OLFML3: variants seen among roughly 807,000 people sequenced by gnomAD.
The protein encoded by OLFML3 is olfactomedin-like protein 3.
In OLFML3, 26 loss-of-function variants were observed where a neutral mutation model predicts 36.0. The observed-to-expected ratio is 0.72, with a 90% CI of 0.53 to 1.00. OLFML3 has a LOEUF of 1.00. OLFML3 is among the 50% of genes least tolerant of loss of function. The pLI is 0.00. For missense variants in OLFML3, 503 were observed against 519.4 expected, an observed-to-expected ratio of 0.97 and a Z score of 0.31; for synonymous variants, 184 against 201.2, an observed-to-expected ratio of 0.91 and a Z score of 0.72.
chr1:113,981,692 C>T lies in OLFML3; in HGVS notation c.1144C>T (p.Arg382Cys), dbSNP rs372625011. Residue 382 changes from arginine (R) to cysteine (C), a missense_variant, in exon 3 of 3, where the codon CGC (arginine) becomes TGC (cysteine). Arg to Cys is a radical substitution (Grantham distance 180). Coordinates refer to ENST00000320334, the MANE Select transcript of OLFML3 (RefSeq NM_020190.5). ...HASLRYNPRE[R>C]QLYAWDDGYQ... ...CAGCCTCCGCTATAACCCCCGAGAA[C>T]GCCAGCTCTATGCCTGGGATGATGG... The T allele has an allele frequency of 2.9e-5, 47 of 1,613,924 alleles. No individual in the cohort carries two copies. The highest frequency in any genetic ancestry group is 1.1e-4 in the East Asian group (5 of 44,892).
Position 113,979,623 on chromosome 1 carries a change from C to G in OLFML3, c.107C>G (p.Ala36Gly). 6.2e-7 allele frequency: 1 copy of G among 1,609,942 alleles called. No individual in the cohort carries two copies. Among genetic ancestry groups the G allele is most frequent in the Non-Finnish European group, 8.5e-7 (1 of 1,176,176 alleles). Residue 36 changes from alanine to glycine, a missense_variant, in exon 1 of 3, where the codon GCT becomes GGT. Transcript: ENST00000320334. ...GAGTACATGGAACGCCGACTAGCTG[C>G]TTTAGAGGTGAGGGACCCCTTTCTC... The part of the protein sequence containing the change: ...LVEYMERRLA[A>G]LEERLAQCQD...
intron 2 of OLFML3, 107 bp downstream of exon 2, chr1:113,980,724 T>C: frequency 7.7e-7 from 1 of 1,294,506 alleles, no homozygotes; most frequent in African/African-American, 1.5e-5. Context: ...TGGCTCTGTC[T>C]TCTGGAATCT....
Position 113,981,327 on chromosome 1 carries a change from A to G in OLFML3, c.779A>G (p.Glu260Gly). The change falls in exon 3 of 3, where the codon GAG becomes GGG. Residue 260 changes from glutamate (E) to glycine (G), a missense_variant. Transcript: ENST00000320334. ...GTGGACAGCTCAGTATTCCCAGCAG[A>G]GGGGCTGATCCCCCCCTACGGCTTG... ...TVVDSSVFPA[E>G]GLIPPYGLTA... 2 of 1,598,890 alleles carry G rather than the reference A, an allele frequency of 1.3e-6. No individual in the cohort carries two copies. Among genetic ancestry groups the G allele is most frequent in the Non-Finnish European group, 1.7e-6 (2 of 1,171,934 alleles).
Position 113,982,077 on chromosome 1 carries a change from C to T in OLFML3, c.*308C>T. 2.5e-6 allele frequency: 1 copy of T among 394,748 alleles called. No individual in the cohort carries two copies. Among genetic ancestry groups the T allele is most frequent in the Non-Finnish European group, 4.7e-6 (1 of 212,786 alleles). 24.5% of individuals were successfully genotyped at this position (394,748 alleles called of 1,614,324 possible). ...GCTCTAACCTTGTATGCGGGCAGGCCCAGGGAGCAGGCAGCAGTGTTCTTC... is the reference window on the plus strand; with the variant it reads ...GCTCTAACCTTGTATGCGGGCAGGCTCAGGGAGCAGGCAGCAGTGTTCTTC... On this transcript the variant is annotated 3_prime_UTR_variant, in exon 3 of 3. Transcript: ENST00000320334.
At position 113,981,388 on chromosome 1, in the gene OLFML3, G is replaced by A. The variant is rs1209527708; in HGVS notation, c.840G>A (p.Glu280=). 1.9e-6 allele frequency: 3 copies of A among 1,611,048 alleles called. No individual in the cohort carries two copies. The highest frequency in any genetic ancestry group is 2.7e-5 in the African/African-American group (2 of 74,906). ...ADTYIDLAAD[E]EGLWAVYATR... ...CCTACATCGACCTGGCAGCTGATGA[G>A]GAAGGTCTTTGGGCTGTCTATGCCA... Residue 280 remains glutamate (E), a synonymous_variant, in exon 3 of 3, where the codon GAG becomes GAA. Transcript: ENST00000320334.
At position 113,979,559 on chromosome 1, in the gene OLFML3, T is replaced by C. The variant is rs1673324134; in HGVS notation, c.43T>C (p.Trp15Arg). Residue 15 changes from tryptophan to arginine, a missense_variant, in exon 1 of 3, where the codon TGG becomes CGG. By Grantham distance (101) the Trp-to-Arg change is moderately radical (BLOSUM62 -3). Transcript: ENST00000320334. ...TCTCCTCATCTTGTTCCTTTTGTCA[T>C]GGTCGGGACCCCTCCAAGGACAGCA... The part of the protein sequence containing the change: ...TPLLILFLLS[W>R]SGPLQGQQHH... 2.5e-6 allele frequency: 4 copies of C among 1,614,028 alleles called. No homozygotes were observed. Among genetic ancestry groups the C allele is most frequent in the Admixed American group, 1.7e-5 (1 of 60,010 alleles).
At position 113,980,635 on chromosome 1, in the gene OLFML3, A is replaced by G. The variant is rs1251776517; in HGVS notation, c.400+18A>G. On this transcript the variant is annotated intron_variant, in intron 2 of 2. Coordinates refer to ENST00000320334, the MANE Select transcript of OLFML3 (RefSeq NM_020190.5). The stretch of plus-strand genomic sequence containing the variant: ...GGTGACAGGTAAATAATCTGAAAGC[A>G]GGCCCCTAACTCTTCTCAGAACCGA... 1.2e-5 allele frequency: 18 copies of G among 1,554,084 alleles called. No individual in the cohort carries two copies. The highest frequency in any genetic ancestry group is 1.5e-5 in the Non-Finnish European group (17 of 1,151,026).
rs776489989 is a variant in OLFML3, at chr1:113,981,579, G to A, written c.1031G>A (p.Arg344His). Residue 344 changes from arginine (R) to histidine (H), a missense_variant, in exon 3 of 3, where the codon CGC (arginine) becomes CAC (histidine). Coordinates refer to ENST00000320334, the MANE Select transcript of OLFML3 (RefSeq NM_020190.5). ...AACACCCGTCCTGCCAGTCGGGCCC[G>A]CATCCAGTGCTCCTTTGATGCCAGC... ...VYNTRPASRA[R>H]IQCSFDASGT... The A allele has an allele frequency of 1.7e-5, 27 of 1,614,014 alleles. No individual in the cohort carries two copies. Among genetic ancestry groups the A allele is most frequent in the East Asian group, 1.3e-4 (6 of 44,848 alleles).
intron 2 of OLFML3, 142 bp downstream of exon 2, chr1:113,980,759 C>T: frequency 9.3e-7 from 1 of 1,076,680 alleles, no homozygotes; most frequent in Non-Finnish European, 1.3e-6. Flanking sequence ...TCTGTAATGC[C>T]AGGTCTATTA....
chr1:113,980,901 G>T, intron 2 of OLFML3, 48 bp from the exon 3 acceptor site: 2 of 1,444,132 alleles, frequency 1.4e-6, no homozygotes, highest in Non-Finnish European at 1.9e-6. Context: ...CCTGCTGGAG[G>T]CATCTAATTC....
At position 113,980,496 on chromosome 1, in the gene OLFML3, G is replaced by C. The variant is rs1223314875; in HGVS notation, c.279G>C (p.Glu93Asp). 1 of 1,614,186 alleles carries C rather than the reference G, an allele frequency of 6.2e-7. No individual in the cohort carries two copies. The highest frequency in any genetic ancestry group is 8.5e-7 in the Non-Finnish European group (1 of 1,180,034). The change falls in exon 2 of 3, where the codon GAG becomes GAC. Residue 93 changes from glutamate to aspartate, a missense_variant. Coordinates refer to ENST00000320334, the MANE Select transcript of OLFML3 (RefSeq NM_020190.5). Reference sequence around the variant, plus strand: ...GGAGAGTGGATCGTCTGGAGCGGGAGGTAGACTATCTGGAGACCCAGAACC... The same window carrying C: ...GGAGAGTGGATCGTCTGGAGCGGGACGTAGACTATCTGGAGACCCAGAACC... ...ISGRVDRLER[E>D]VDYLETQNPA...
intron 2 of OLFML3, 43 bp downstream of exon 2, chr1:113,980,660 A>G (rs1341317346): frequency 6.6e-6 from 10 of 1,508,324 alleles, no homozygotes; most frequent in South Asian, 1.3e-5. Flanking sequence ...CTCAGAACCG[A>G]TATTCTTCCT....
At chr1:113,979,933 G>T in intron 1 of OLFML3, 1 of 1,427,644 alleles carries the variant, frequency 7.0e-7, no homozygotes, top group Non-Finnish European at 9.2e-7. Context: ...TGTTGAAGTT[G>T]GAGGTTCCCG....
At chr1:113,980,804 C>A in intron 2 of OLFML3, 145 bp from the exon 3 acceptor site, 1 of 990,904 alleles carries the variant, frequency 1.0e-6, no homozygotes, top group Non-Finnish European at 1.4e-6. Flanking sequence ...CGCTGTGGTA[C>A]CCGCTCTTTC....
Position 113,979,625 on chromosome 1 carries a change from T to A in OLFML3, c.109T>A (p.Leu37Ile). The change falls in exon 1 of 3, where the codon TTA becomes ATA. Residue 37 changes from leucine to isoleucine, a missense_variant. Coordinates refer to ENST00000320334, the MANE Select transcript of OLFML3 (RefSeq NM_020190.5). The part of the protein sequence containing the change: ...VEYMERRLAA[L>I]EERLAQCQDQ... ...GTACATGGAACGCCGACTAGCTGCT[T>A]TAGAGGTGAGGGACCCCTTTCTCTT... is the stretch of plus-strand genomic sequence containing the variant. 1 of 1,609,344 alleles carries A rather than the reference T, an allele frequency of 6.2e-7. No homozygotes were observed.
chr1:113,980,360 G>A lies in OLFML3; in HGVS notation c.143G>A (p.Ser48Asn), dbSNP rs772205388. The A allele has an allele frequency of 6.3e-7, 1 of 1,578,710 alleles. No homozygotes were observed. Among genetic ancestry groups the A allele is most frequent in the Non-Finnish European group, 8.6e-7 (1 of 1,162,168 alleles). Residue 48 changes from serine (S) to asparagine (N), a missense_variant, in exon 2 of 3, where the codon AGT becomes AAT. Physicochemically the swap from Ser to Asn is conservative, Grantham distance 46. Coordinates refer to ENST00000320334, the MANE Select transcript of OLFML3 (RefSeq NM_020190.5). ...EERLAQCQDQ[S>N]SRHAAELRDF... ...CGGCTGGCCCAGTGCCAGGACCAGA[G>A]TAGTCGGCATGCTGCTGAGCTGCGG...
chr1:113,981,221 C>T lies in OLFML3; in HGVS notation c.673C>T (p.Pro225Ser). The change falls in exon 3 of 3, where the codon CCT (proline) becomes TCT (serine). Residue 225 changes from proline (P) to serine (S), a missense_variant. Coordinates refer to ENST00000320334, the MANE Select transcript of OLFML3 (RefSeq NM_020190.5). Reference sequence around the variant, plus strand: ...TGGCTTTCTTTATTTTGCTCGGAGGCCTCCTGGAAGACCTGGTGGAGGTGG... The same window carrying T: ...TGGCTTTCTTTATTTTGCTCGGAGGTCTCCTGGAAGACCTGGTGGAGGTGG... ...YGGFLYFARR[P>S]PGRPGGGGEM... 6.2e-7 allele frequency: 1 copy of T among 1,613,982 alleles called. No homozygotes were observed. Among genetic ancestry groups the T allele is most frequent in the African/African-American group, 1.3e-5 (1 of 75,060 alleles).
Position 113,979,531 on chromosome 1 carries a change from C to T in OLFML3, c.15C>T (p.Thr5=), listed in dbSNP as rs1673322681. Residue 5 remains threonine, a synonymous_variant, in exon 1 of 3, where the codon ACC becomes ACT. Transcript: ENST00000320334. MGPS[T]PLLILFLLSW... ...TCCAGGCTGCCATGGGGCCCAGCAC[C>T]CCTCTCCTCATCTTGTTCCTTTTGT... 1 of 1,613,878 alleles carries T rather than the reference C, an allele frequency of 6.2e-7. No individual in the cohort carries two copies. The highest frequency in any genetic ancestry group is 8.5e-7 in the Non-Finnish European group (1 of 1,179,768).
chr1:113,979,905 C>T (rs1558158905), intron 1 of OLFML3: 6 of 1,408,692 alleles, frequency 4.3e-6, no homozygotes, highest in Non-Finnish European at 3.7e-6. Context: ...GCTGCATCTC[C>T]AGAGAAGGTG....
Sources: gnomAD v4.1 joint callset for allele counts on GRCh38, gnomAD v4.1.1 for gene constraint, MANE v1.5 for transcripts, NCBI Gene and HGNC (gene_info 2026-07-23, HGNC 2026-07-21) for gene names.